Variants in DDX10 observed in about 807,000 individuals in gnomAD.
The protein encoded by DDX10 is probable ATP-dependent RNA helicase DDX10.
DDX10 carries 74 observed loss-of-function variants against 104.3 expected under a neutral mutation model. The ratio of observed to expected loss-of-function variants is 0.71; its 90% CI spans 0.59 to 0.86. The LOEUF is 0.86. Ranked by LOEUF, DDX10 falls within the 40% of genes least tolerant of loss-of-function variation. DDX10 has a pLI of 0.00. For synonymous variants in DDX10, 351 were observed against 353.4 expected, an observed-to-expected ratio of 0.99 and a Z score of 0.08; for missense variants, 952 against 1,040.0, an observed-to-expected ratio of 0.92 and a Z score of 1.16.
chr11:108,826,212 T>G (rs1862393488), intron 13 of DDX10, among the ~76,000 whole-genome samples: 1 of 152,186 alleles, frequency 6.6e-6, no homozygotes, highest in African/African-American at 2.4e-5. Flanking sequence ...AGACTAATGG[T>G]CTTATGCTTA....
At chr11:108,936,631 C>T (rs1328349317) in intron 17 of DDX10, among the ~76,000 whole-genome samples, 1 of 152,128 alleles carries the variant, frequency 6.6e-6, no homozygotes, top group Non-Finnish European at 1.5e-5. Context: ...TTGTCAGTGT[C>T]AAAAGCAATT....
intron 2 of DDX10, among the ~76,000 whole-genome samples, chr11:108,674,942 CT>C (rs1263800998): frequency 6.6e-6 from 1 of 152,100 alleles, no homozygotes; most frequent in Non-Finnish European, 1.5e-5. Context: ...TTGAATTTGG[CT>C]TTTTTAGATT....
At chr11:108,819,538 T>A (rs1026664742) in intron 13 of DDX10, among the ~76,000 whole-genome samples, 1 of 152,140 alleles carries the variant, frequency 6.6e-6, no homozygotes, top group African/African-American at 2.4e-5. Context: ...CAGTACAACA[T>A]GTTTTATTTA....
At chr11:108,850,155 C>T (rs1238040582) in intron 15 of DDX10, among the ~76,000 whole-genome samples, 5 of 152,096 alleles carry the variant, frequency 3.3e-5, no homozygotes, top group African/African-American at 7.2e-5. Context: ...ACATTCACTT[C>T]ATGTTGTAAA....
At position 108,756,721 on chromosome 11, in the gene DDX10, A is replaced by C. The variant is rs141805929; in HGVS notation, c.1965+33259A>C. On this transcript the variant is annotated intron_variant, in intron 13 of 17. Coordinates refer to ENST00000322536, the MANE Select transcript of DDX10 (RefSeq NM_004398.4). ...AGTCCCCTTCATTGCAGCCTCACTAAAGCAAATAAGGTAGTGTTCTCATGT... is the reference window on the plus strand; with the variant it reads ...AGTCCCCTTCATTGCAGCCTCACTACAGCAAATAAGGTAGTGTTCTCATGT... 7.2e-3 allele frequency among the ~76,000 whole-genome samples: 1,098 copies of C among 152,148 alleles called. 5 individuals are homozygous for C. Among genetic ancestry groups the C allele is most frequent in the Non-Finnish European group, 0.012 (794 of 67,960 alleles).
At chr11:108,805,303 T>C (rs1862082960) in intron 13 of DDX10, among the ~76,000 whole-genome samples, 2 of 152,250 alleles carry the variant, frequency 1.3e-5, no homozygotes, top group Admixed American at 1.3e-4. Flanking sequence ...GAACCACATA[T>C]GTTTGAGCCT....
intron 16 of DDX10, among the ~76,000 whole-genome samples, chr11:108,910,078 C>CA (rs747161005): frequency 0.051 from 3,806 of 74,928 alleles, 80 homozygotes; most frequent in African/African-American, 0.11. Flanking sequence ...ATATTCTAGG[C>CA]AAAAAAAAAA....
chr11:108,696,885 C>T (rs2134453892), intron 9 of DDX10, among the ~76,000 whole-genome samples: 1 of 152,114 alleles, frequency 6.6e-6, no homozygotes, highest in Non-Finnish European at 1.5e-5. Flanking sequence ...GATTATTGGA[C>T]ATGTCAATAT....
chr11:108,914,612 A>G (rs1336232755), intron 16 of DDX10, among the ~76,000 whole-genome samples: 1 of 152,196 alleles, frequency 6.6e-6, no homozygotes, highest in East Asian at 1.9e-4. Flanking sequence ...TTTCGGTAAT[A>G]TGTTATCTAC....
At position 108,689,019 on chromosome 11, in the gene DDX10, A is replaced by T. The variant is rs2094248397; in HGVS notation, c.932A>T (p.His311Leu). 6.2e-7 allele frequency: 1 copy of T among 1,614,046 alleles called. No individual in the cohort carries two copies. The highest frequency in any genetic ancestry group is 8.5e-7 in the Non-Finnish European group (1 of 1,179,998). Residue 311 changes from histidine (H) to leucine (L), a missense_variant, in exon 7 of 18, where the codon CAT becomes CTT. His to Leu is a moderately conservative substitution (Grantham distance 99). Transcript: ENST00000322536. Reference protein sequence around the residue: ...ISVLYSFLRSHLKKKSIVFFS... With the variant: ...ISVLYSFLRSLLKKKSIVFFS... ...GTGCTGTATTCCTTTTTGAGAAGCC[A>T]TCTGAAGAAGAAGAGCATTGTATTT...
intron 1 of DDX10, among the ~76,000 whole-genome samples, chr11:108,667,721 C>T (rs1280376823): frequency 1.3e-5 from 2 of 152,186 alleles, no homozygotes; most frequent in African/African-American, 2.4e-5. Flanking sequence ...CTTGATGTTT[C>T]CACTGTGTGC....
chr11:108,903,447 C>A (rs12271842), intron 16 of DDX10, among the ~76,000 whole-genome samples: 6,020 of 152,162 alleles, frequency 0.04, 395 homozygotes, highest in African/African-American at 0.13. Flanking sequence ...GTCCCTCATC[C>A]ATGGATTCAA....
chr11:108,784,239 A>C (rs940176433), intron 13 of DDX10, among the ~76,000 whole-genome samples: 5 of 152,302 alleles, frequency 3.3e-5, no homozygotes, highest in East Asian at 3.9e-4. Flanking sequence ...ACTGCTTTCC[A>C]AAGTGGCTAA....
chr11:108,702,579 TGGCAG>T (rs1390264684), intron 9 of DDX10, among the ~76,000 whole-genome samples: 1 of 152,218 alleles, frequency 6.6e-6, no homozygotes, highest in African/African-American at 2.4e-5. Flanking sequence ...ATTGCTAGAA[TGGCAG>T]GGCTTTTTTC....
chr11:108,665,091 G>A lies in DDX10; in HGVS notation c.-63G>A. 1 of 1,487,234 alleles carries A rather than the reference G, an allele frequency of 6.7e-7. No individual in the cohort carries two copies. Among genetic ancestry groups the A allele is most frequent in the South Asian group, 1.4e-5 (1 of 71,054 alleles). 92.1% of individuals were successfully genotyped at this position (1,487,234 alleles called of 1,614,324 possible). ...TGTGCGTTTGTCCCATGCTGGTTCCGTGAGTCTGGCCTTAGGTGTCTCGTG... is the reference window on the plus strand; with the variant it reads ...TGTGCGTTTGTCCCATGCTGGTTCCATGAGTCTGGCCTTAGGTGTCTCGTG... On this transcript the variant is annotated 5_prime_UTR_variant, in exon 1 of 18. The change creates a new upstream start codon in the 5' untranslated region. Transcript: ENST00000322536.
chr11:108,834,281 A>G (rs1282572329), intron 13 of DDX10, among the ~76,000 whole-genome samples: 1 of 151,936 alleles, frequency 6.6e-6, no homozygotes, highest in Non-Finnish European at 1.5e-5. Flanking sequence ...TCTTTATCAC[A>G]TAACTATCCA....
In DDX10 at chr11:108,770,704, T is replaced by C. The variant is rs1007053160; in HGVS notation, c.1965+47242T>C. Among the ~76,000 whole-genome samples the C allele has an allele frequency of 3.3e-5, 5 of 152,158 alleles. 1 individual carries two copies. The highest frequency in any genetic ancestry group is 1.2e-4 in the African/African-American group (5 of 41,442). ...TGTGGCAAATGACTGGATCTCATTC[T>C]TTTTTATGGTTCACTAGTACTCCAT... On this transcript the variant is annotated intron_variant, in intron 13 of 17. Coordinates refer to ENST00000322536, the MANE Select transcript of DDX10 (RefSeq NM_004398.4).
intron 13 of DDX10, among the ~76,000 whole-genome samples, chr11:108,811,018 C>G (rs1862172666): frequency 6.6e-6 from 1 of 152,116 alleles, no homozygotes; most frequent in Non-Finnish European, 1.5e-5. Context: ...TATAAACTCT[C>G]CAAGGGAGAT....
intron 7 of DDX10, among the ~76,000 whole-genome samples, chr11:108,689,727 G>A (rs546629071): frequency 4.3e-4 from 66 of 152,286 alleles, no homozygotes; most frequent in African/African-American, 1.4e-3. Flanking sequence ...GCATGTGTGC[G>A]TGCGTGTGCC....
Sources: allele counts gnomAD v4.1 joint callset (sites outside exome capture counted in the v4.1 genomes callset), GRCh38; gene constraint gnomAD v4.1.1; transcripts MANE v1.5; gene names NCBI Gene and HGNC (gene_info 2026-07-23, HGNC 2026-07-21).